The following TASP1 variants were observed in gnomAD, a reference collection of about 807,000 sequenced individuals.
TASP1 encodes taspase 1.
In TASP1, 16 loss-of-function variants were observed where a neutral mutation model predicts 56.6. That is an observed-to-expected ratio of 0.28 (90% CI 0.19 to 0.43). The LOEUF (loss-of-function observed/expected upper bound fraction) is 0.43. TASP1 is among the 20% of genes least tolerant of loss of function. The probability of loss-of-function intolerance (pLI) is 1.00; values close to 1 mark genes in which losing one functional copy is unlikely to be tolerated. For synonymous variants in TASP1, 179 were observed against 184.2 expected (o/e 0.97, Z 0.23); for missense variants, 393 against 511.6 (o/e 0.77, Z 2.24).
the TASP1 span, among the ~76,000 whole-genome samples, chr20:13,303,542 C>G: frequency 1.7e-4 from 26 of 152,190 alleles, no homozygotes; most frequent in African/African-American, 5.8e-4. Context: ...AGGCACCTAA[C>G]CTTCCTACAT....
the TASP1 span, among the ~76,000 whole-genome samples, chr20:13,233,031 A>G: frequency 6.6e-6 from 1 of 152,038 alleles, no homozygotes; most frequent in Non-Finnish European, 1.5e-5. Context: ...GACCAAAAAA[A>G]AAAAAGAAAA....
chr20:13,349,081 T>C, the TASP1 span, among the ~76,000 whole-genome samples: 1 of 152,118 alleles, frequency 6.6e-6, no homozygotes, highest in Non-Finnish European at 1.5e-5. Context: ...TATAAACAAA[T>C]GATGGAACCT....
At chr20:13,363,305 G>A in the TASP1 span, among the ~76,000 whole-genome samples, 5 of 152,098 alleles carry the variant, frequency 3.3e-5, no homozygotes, top group Non-Finnish European at 7.3e-5. Flanking sequence ...ACATGATGAA[G>A]TCACCATAAA....
At chr20:13,340,879 T>C in the TASP1 span, among the ~76,000 whole-genome samples, 2 of 152,242 alleles carry the variant, frequency 1.3e-5, no homozygotes, top group African/African-American at 4.8e-5. Context: ...CATTATCTCA[T>C]TAATTGAATT....
chr20:13,520,847 T>A (rs1458651156), intron 10 of TASP1, among the ~76,000 whole-genome samples: 1 of 152,092 alleles, frequency 6.6e-6, no homozygotes, highest in Non-Finnish European at 1.5e-5. Context: ...ACCTATAGAA[T>A]GGGAGAAAAT....
chr20:13,485,470 T>C (rs2043291215), intron 10 of TASP1, among the ~76,000 whole-genome samples: 3 of 152,170 alleles, frequency 2.0e-5, no homozygotes, highest in Admixed American at 1.3e-4. Flanking sequence ...AAAAAAAGGA[T>C]GAATTTTTTT....
the TASP1 span, among the ~76,000 whole-genome samples, chr20:13,247,517 G>GGTGTGTGTGTGTGTCTGTGT: frequency 2.2e-3 from 304 of 139,908 alleles, 2 homozygotes; most frequent in African/African-American, 6.8e-3. Context: ...CAAAGTGAGG[G>GGTGTGTGTGTGTGTCTGTGT]GTGTGTGTGT....
the TASP1 span, among the ~76,000 whole-genome samples, chr20:13,290,855 A>G: frequency 1.3e-5 from 2 of 152,248 alleles, no homozygotes; most frequent in African/African-American, 4.8e-5. Context: ...AGCTATAGTA[A>G]CTGAGGCATA....
chr20:13,173,117 G>C, the TASP1 span, among the ~76,000 whole-genome samples: 1 of 152,158 alleles, frequency 6.6e-6, no homozygotes, highest in East Asian at 1.9e-4. Flanking sequence ...CCTTTACCCT[G>C]TATGATGATT....
At chr20:13,364,086 A>T in the TASP1 span, among the ~76,000 whole-genome samples, 41 of 149,140 alleles carry the variant, frequency 2.7e-4, no homozygotes, top group Admixed American at 8.1e-4. Context: ...AGAGGGATTT[A>T]AAAAAAAAAC....
intron 10 of TASP1, among the ~76,000 whole-genome samples, chr20:13,497,472 G>A (rs1276220346): frequency 6.6e-6 from 1 of 152,206 alleles, no homozygotes; most frequent in Non-Finnish European, 1.5e-5. Context: ...TGAAAGCTAG[G>A]CTGTAAAAGA....
At chr20:13,231,554 GAGCACAGACC>G in the TASP1 span, among the ~76,000 whole-genome samples, 2 of 152,346 alleles carry the variant, frequency 1.3e-5, no homozygotes, top group East Asian at 3.9e-4. Flanking sequence ...TCAACTCCCT[GAGCACAGACC>G]AGCACGTGTC....
chr20:13,416,717 C>T (rs1217418243), intron 13 of TASP1, among the ~76,000 whole-genome samples: 1 of 152,110 alleles, frequency 6.6e-6, no homozygotes, highest in Admixed American at 6.5e-5. Context: ...CATCACAGGC[C>T]ACAGCTGTTT....
intron 11 of TASP1, among the ~76,000 whole-genome samples, chr20:13,442,438 G>A (rs888680174): frequency 3.9e-5 from 6 of 151,922 alleles, no homozygotes; most frequent in Admixed American, 3.3e-4. Flanking sequence ...GTTCAAGACC[G>A]TCTTGGTCTT....
At chr20:13,491,351 C>T (rs2043518469) in intron 10 of TASP1, among the ~76,000 whole-genome samples, 1 of 152,162 alleles carries the variant, frequency 6.6e-6, no homozygotes, top group Non-Finnish European at 1.5e-5. Flanking sequence ...TATTGCCCGA[C>T]TTAAGATTAC....
the TASP1 span, among the ~76,000 whole-genome samples, chr20:13,209,916 A>G: frequency 2.0e-5 from 3 of 152,172 alleles, no homozygotes; most frequent in Admixed American, 6.5e-5. Context: ...AGCTCAATTA[A>G]CTTTTACATA....
At chr20:13,401,139 A>G (rs1017588203) in intron 13 of TASP1, among the ~76,000 whole-genome samples, 8 of 152,194 alleles carry the variant, frequency 5.3e-5, no homozygotes, top group African/African-American at 1.7e-4. Flanking sequence ...AGTGTTGCCA[A>G]ATCATCTGCT....
At chr20:13,550,099 T>G (rs1228617385) in intron 8 of TASP1, among the ~76,000 whole-genome samples, 3 of 151,708 alleles carry the variant, frequency 2.0e-5, no homozygotes, top group African/African-American at 7.3e-5. Context: ...GTATTGAATC[T>G]TTATATGCTA....
At chr20:13,124,566 G>C in the TASP1 span, among the ~76,000 whole-genome samples, 50 of 152,112 alleles carry the variant, frequency 3.3e-4, no homozygotes, top group Admixed American at 5.9e-4. Flanking sequence ...ATAGAAGAAG[G>C]ACGGGTGAAA....
Sources: gnomAD v4.1 joint callset for allele counts (sites outside exome capture counted in the v4.1 genomes callset) on GRCh38, gnomAD v4.1.1 for gene constraint, MANE v1.5 for transcripts, NCBI Gene and HGNC (gene_info 2026-07-23, HGNC 2026-07-21) for gene names.